The following ZZZ3 variants were observed in gnomAD, a reference collection of about 807,000 sequenced individuals.
ZZZ3 encodes the protein zinc finger ZZ-type containing 3.
A neutral mutation model predicts 95.2 loss-of-function variants in ZZZ3; 22 were observed. That is an observed-to-expected ratio of 0.23 (90% CI 0.17 to 0.33). The LOEUF is 0.33. Among genes scored for constraint, ZZZ3 ranks in the 10% least tolerant of loss-of-function variants. The pLI, the probability that ZZZ3 is intolerant of heterozygous loss-of-function variation, is 1.00. For synonymous variants in ZZZ3, 335 were observed against 358.9 expected, an observed-to-expected ratio of 0.93 and a Z score of 0.75; for missense variants, 885 against 1,066.5, an observed-to-expected ratio of 0.83 and a Z score of 2.37.
At chr1:77,663,347 A>G (rs1178595662) in intron 1 of ZZZ3, among the ~76,000 whole-genome samples, 1 of 152,144 alleles carries the variant, frequency 6.6e-6, no homozygotes, top group Admixed American at 6.6e-5. Flanking sequence ...AGAAAAAAAA[A>G]GTCTGGTGGT....
chr1:77,616,965 C>T (rs76459961), intron 5 of ZZZ3, among the ~76,000 whole-genome samples: 1 of 152,262 alleles, frequency 6.6e-6, no homozygotes, highest in South Asian at 2.1e-4. Context: ...TTCTACTATA[C>T]TTAAATGCAT....
At chr1:77,631,583 A>G (rs1040196250) in intron 5 of ZZZ3, among the ~76,000 whole-genome samples, 4 of 152,178 alleles carry the variant, frequency 2.6e-5, no homozygotes, top group African/African-American at 9.7e-5. Context: ...AACATATTAA[A>G]AAAACAAAAA....
rs149294818 is a variant in ZZZ3 at position 77,589,143 on chromosome 1, T to C, written c.1506-4488A>G. ...CCTCCCACCTTGGCCTCCCAAAGTG[T>C]TGGGATTATAGGCGTGAGCCCCCAC... On this transcript the variant is annotated intron_variant, in intron 5 of 14. Coordinates refer to ENST00000370801, the MANE Select transcript of ZZZ3 (RefSeq NM_015534.6). 2.7e-3 allele frequency among the ~76,000 whole-genome samples: 412 copies of C among 152,174 alleles called. 2 individuals are homozygous for C. The highest frequency in any genetic ancestry group is 8.8e-3 in the African/African-American group (366 of 41,542).
intron 1 of ZZZ3, among the ~76,000 whole-genome samples, chr1:77,669,561 G>A (rs1358560455): frequency 1.3e-5 from 2 of 150,230 alleles, no homozygotes; most frequent in South Asian, 2.1e-4. Context: ...GGGTTCAAGC[G>A]ATTCTCCTGC....
intron 1 of ZZZ3, among the ~76,000 whole-genome samples, chr1:77,676,374 C>T (rs1672272024): frequency 6.6e-6 from 1 of 152,202 alleles, no homozygotes; most frequent in South Asian, 2.1e-4. Context: ...CACTATGTTG[C>T]CCAGACTGGT....
At chr1:77,617,008 C>T (rs570226198) in intron 5 of ZZZ3, among the ~76,000 whole-genome samples, 6 of 152,178 alleles carry the variant, frequency 3.9e-5, no homozygotes, top group South Asian at 2.1e-4. Context: ...TTTCAAAAAA[C>T]CCAGACATTC....
intron 5 of ZZZ3, among the ~76,000 whole-genome samples, chr1:77,594,405 T>C (rs575712583): frequency 6.6e-6 from 1 of 152,236 alleles, no homozygotes; most frequent in Non-Finnish European, 1.5e-5. Context: ...CTTATTTTAT[T>C]ATATTGTGTG....
chr1:77,600,408 T>C (rs145675504), intron 5 of ZZZ3, among the ~76,000 whole-genome samples: 32 of 152,188 alleles, frequency 2.1e-4, no homozygotes, highest in Middle Eastern at 3.4e-3. Context: ...AGTGAACAAA[T>C]AGACAAAGAA....
rs141766321 is a variant in ZZZ3 at position 77,653,462 on chromosome 1, T to TA, written c.-402-11808dup. Among the ~76,000 whole-genome samples, 610 of 152,308 alleles carry TA rather than the reference T, an allele frequency of 4.0e-3. 5 individuals are homozygous for TA. The highest frequency in any genetic ancestry group is 0.014 in the African/African-American group (573 of 41,562). On this transcript the variant is annotated intron_variant, in intron 1 of 14. Transcript: ENST00000370801. ...TGTATATCTCAATGTTTTTAAAAGATAAGAGAATCGGCCAGGCGCGATGGC... is the reference window on the plus strand; with the variant it reads ...TGTATATCTCAATGTTTTTAAAAGATAAAGAGAATCGGCCAGGCGCGATGGC...
Position 77,632,782 on chromosome 1 carries a change from TGCA to T in ZZZ3, c.570_572del (p.Ala191del). 6.2e-7 allele frequency: 1 copy of T among 1,614,192 alleles called. No homozygotes were observed. Among genetic ancestry groups the T allele is most frequent in the South Asian group, 1.1e-5 (1 of 91,076 alleles). ...AATAGCCTGTGATTTCTTCAACTAC[TGCA>T]GAATTAAGTGGCCCTTCCTCACTGA... On this transcript the variant is annotated inframe_deletion, in exon 5 of 15. Coordinates refer to ENST00000370801, the MANE Select transcript of ZZZ3 (RefSeq NM_015534.6).
intron 5 of ZZZ3, among the ~76,000 whole-genome samples, chr1:77,615,219 G>T (rs937079077): frequency 3.3e-5 from 5 of 152,202 alleles, no homozygotes; most frequent in Non-Finnish European, 5.9e-5. Flanking sequence ...AATTTCAACA[G>T]ATGCAGAATT....
chr1:77,608,032 G>A (rs1371051178), intron 5 of ZZZ3, among the ~76,000 whole-genome samples: 4 of 152,032 alleles, frequency 2.6e-5, no homozygotes, highest in Non-Finnish European at 5.9e-5. Context: ...GCCTCACAAG[G>A]GCAAATCTAA....
intron 5 of ZZZ3, among the ~76,000 whole-genome samples, chr1:77,621,536 C>G (rs921088037): frequency 1.6e-4 from 23 of 148,252 alleles, no homozygotes; most frequent in African/African-American, 5.4e-4. Flanking sequence ...AAAAAAAAGT[C>G]CAGGCATGGT....
At chr1:77,648,534 C>T (rs183418649) in intron 1 of ZZZ3, among the ~76,000 whole-genome samples, 4 of 151,886 alleles carry the variant, frequency 2.6e-5, no homozygotes, top group East Asian at 1.9e-4. Context: ...AGTAGAGATA[C>T]GTAAGTCTTT....
At position 77,601,702 on chromosome 1, in the gene ZZZ3, T is replaced by A. The variant is rs545388449; in HGVS notation, c.1506-17047A>T. ...GTTTAAAAGACGGTTTACATTATCATCATCATTTTGCATTGAAAATTTAGT... is the reference window on the plus strand; with the variant it reads ...GTTTAAAAGACGGTTTACATTATCAACATCATTTTGCATTGAAAATTTAGT... On this transcript the variant is annotated intron_variant, in intron 5 of 14. Coordinates refer to ENST00000370801, the MANE Select transcript of ZZZ3 (RefSeq NM_015534.6). 2.0e-5 allele frequency among the ~76,000 whole-genome samples: 3 copies of A among 152,306 alleles called. No individual in the cohort carries two copies. In the South Asian group the frequency reaches 6.2e-4, roughly 32 times the overall value.
intron 11 of ZZZ3, among the ~76,000 whole-genome samples, chr1:77,576,751 T>A (rs1302355508): frequency 6.8e-6 from 1 of 146,362 alleles, no homozygotes; most frequent in Non-Finnish European, 1.5e-5. Context: ...TAAAATACAC[T>A]CACACTAAAA....
rs1660677278 is a variant in ZZZ3 at position 77,564,729 on chromosome 1, A to T, written c.*911T>A. The T allele has an allele frequency of 6.5e-6, 1 of 152,676 alleles. No individual in the cohort carries two copies. The highest frequency in any genetic ancestry group is 6.5e-5 in the Admixed American group (1 of 15,294). 9.5% of individuals were successfully genotyped at this position (152,676 alleles called of 1,614,324 possible). On this transcript the variant is annotated 3_prime_UTR_variant, in exon 15 of 15. Transcript: ENST00000370801. Reference sequence around the variant, plus strand: ...AATAGTAATAAAAATACAATCTTTTATGGATCTTGTGCAGACTACAAAAGA... The same window carrying T: ...AATAGTAATAAAAATACAATCTTTTTTGGATCTTGTGCAGACTACAAAAGA...
At chr1:77,680,554 G>A (rs1672658372) in intron 1 of ZZZ3, among the ~76,000 whole-genome samples, 1 of 152,124 alleles carries the variant, frequency 6.6e-6, no homozygotes, top group Non-Finnish European at 1.5e-5. Flanking sequence ...TTATGTGACT[G>A]GTCTGATAAA....
chr1:77,639,654 G>A, intron 3 of ZZZ3, 52 bp from the exon 4 acceptor site: 1 of 405,056 alleles, frequency 2.5e-6, no homozygotes, highest in Non-Finnish European at 4.3e-6. Context: ...ATGAACTTAT[G>A]CTAATAGATT....
Sources: gnomAD v4.1 joint callset for allele counts (sites outside exome capture counted in the v4.1 genomes callset) on GRCh38, gnomAD v4.1.1 for gene constraint, MANE v1.5 for transcripts, NCBI Gene and HGNC (gene_info 2026-07-23, HGNC 2026-07-21) for gene names.